Variants in COPS3 observed in about 807,000 individuals in gnomAD.
COPS3 encodes the protein COP9 signalosome subunit 3, also known as COP9 signalosome complex subunit 3.
Under a neutral mutation model 58.2 loss-of-function variants are expected in COPS3, and 10 were observed. That is an observed-to-expected ratio of 0.17 (90% CI 0.11 to 0.29). The LOEUF (loss-of-function observed/expected upper bound fraction) is 0.29. Ranked by LOEUF, COPS3 falls within the 10% of genes least tolerant of loss-of-function variation. The pLI is 1.00. For missense variants in COPS3, 333 were observed against 510.1 expected (o/e 0.65, Z 3.34); for synonymous variants, 187 against 181.7 (o/e 1.03, Z -0.24).
rs538245805 is a variant in COPS3 at position 17,272,844 on chromosome 17, G to A, written c.186-1836C>T. ...TTGAGCCCAGAAGTTCAAGGCTTCA[G>A]TAAGCTACAATTAAGCCATTGCACT... On this transcript the variant is annotated intron_variant, in intron 2 of 11. Transcript: ENST00000268717. Among the ~76,000 whole-genome samples, 21 of 152,252 alleles carry A rather than the reference G, an allele frequency of 1.4e-4. No individual in the cohort carries two copies. In the East Asian group the frequency reaches 3.9e-3, roughly 28 times the overall value.
intron 7 of COPS3, chr17:17,261,728 C>T: frequency 2.1e-6 from 1 of 468,912 alleles, no homozygotes; most frequent in Non-Finnish European, 3.9e-6. Flanking sequence ...GTTATAGGAG[C>T]TTAAACATCT....
intron 9 of COPS3, 94 bp downstream of exon 9, chr17:17,254,765 G>C (rs2047924841): frequency 1.4e-6 from 1 of 724,406 alleles, no homozygotes; most frequent in Non-Finnish European, 2.2e-6. Context: ...AGCCAAGACT[G>C]TGCCACTACA....
intron 9 of COPS3, among the ~76,000 whole-genome samples, chr17:17,249,703 G>C (rs550968250): frequency 6.6e-6 from 1 of 152,270 alleles, no homozygotes; most frequent in South Asian, 2.1e-4. Flanking sequence ...TGTTGGTCAG[G>C]CTGGTCTCCA....
At chr17:17,272,962 T>C (rs1393463669) in intron 2 of COPS3, among the ~76,000 whole-genome samples, 2 of 152,336 alleles carry the variant, frequency 1.3e-5, no homozygotes, top group East Asian at 1.9e-4. Context: ...TTCAAACAAA[T>C]TTAAGCTATT....
intron 1 of COPS3, chr17:17,280,848 T>C (rs1210165925): frequency 8.4e-7 from 1 of 1,186,614 alleles, no homozygotes; most frequent in Admixed American, 3.2e-5. Flanking sequence ...GCCCCCAAAC[T>C]GTCAAGCAAA....
rs534870000 is a variant in COPS3 at position 17,259,143 on chromosome 17, A to G, written c.936+1158T>C. ...CTTTTCCATTGCTGGGTAGCCTAGC[A>G]AAAAAACAGCTACCCTATTCTGGTT... On this transcript the variant is annotated intron_variant, in intron 8 of 11. Coordinates refer to ENST00000268717, the MANE Select transcript of COPS3 (RefSeq NM_003653.4). Among the ~76,000 whole-genome samples, 8 of 152,230 alleles carry G rather than the reference A, an allele frequency of 5.3e-5. No homozygotes were observed. In the East Asian group the frequency reaches 1.5e-3, roughly 29 times the overall value.
intron 7 of COPS3, 32 bp downstream of exon 7, chr17:17,261,934 C>G (rs778402150): frequency 6.5e-7 from 1 of 1,547,404 alleles, no homozygotes; most frequent in Non-Finnish European, 8.8e-7. Flanking sequence ...AACATGCTCA[C>G]GTAAGAAATC....
At chr17:17,278,416 C>T (rs1049587768) in intron 1 of COPS3, among the ~76,000 whole-genome samples, 1 of 152,150 alleles carries the variant, frequency 6.6e-6, no homozygotes, top group Admixed American at 6.5e-5. Context: ...GATAATTTAA[C>T]ACTTTTCAAT....
chr17:17,249,100 G>A (rs2145183057), intron 9 of COPS3, 61 bp from the exon 10 acceptor site: 2 of 865,330 alleles, frequency 2.3e-6, no homozygotes, highest in South Asian at 3.0e-5. Flanking sequence ...TATATGAATA[G>A]TCATCCAGTA....
chr17:17,279,533 G>A (rs1033562426), intron 1 of COPS3, among the ~76,000 whole-genome samples: 13 of 152,156 alleles, frequency 8.5e-5, no homozygotes, highest in African/African-American at 3.1e-4. Context: ...AGGAAAAAGA[G>A]GAAGAATTCT....
In COPS3 at chr17:17,281,192, C is replaced by G. The variant is rs756425851; in HGVS notation, c.-6G>C. 1 of 1,609,432 alleles carries G rather than the reference C, an allele frequency of 6.2e-7. No homozygotes were observed. ...TGCTCCAGGGCAGACGCCATGTTTT[C>G]CCCCGGGCGGCCCGAGCGGCGAAGG... On this transcript the variant is annotated 5_prime_UTR_variant, in exon 1 of 12. Transcript: ENST00000268717.
chr17:17,258,307 A>C (rs1314853875), intron 8 of COPS3, among the ~76,000 whole-genome samples: 2 of 152,060 alleles, frequency 1.3e-5, no homozygotes, highest in Non-Finnish European at 2.9e-5. Flanking sequence ...ATCAAAAAAA[A>C]ATTTTTTTTG....
chr17:17,274,308 T>C (rs923816449), intron 2 of COPS3, among the ~76,000 whole-genome samples: 1 of 152,180 alleles, frequency 6.6e-6, no homozygotes, highest in Admixed American at 6.5e-5. Flanking sequence ...GTTTCTGACA[T>C]GTCTTGATAA....
intron 1 of COPS3, chr17:17,280,537 G>T (rs1418713079): frequency 1.6e-6 from 2 of 1,250,810 alleles, no homozygotes; most frequent in East Asian, 1.3e-4. Flanking sequence ...TCCAGCCTCG[G>T]CTAAAAAAAA....
chr17:17,263,212 C>T (rs1359815649), intron 6 of COPS3, among the ~76,000 whole-genome samples: 1 of 147,668 alleles, frequency 6.8e-6, no homozygotes, highest in African/African-American at 2.5e-5. Context: ...GGTGTGAACC[C>T]GGGAGGCGGA....
intron 9 of COPS3, among the ~76,000 whole-genome samples, chr17:17,249,320 A>T (rs1245614067): frequency 1.3e-5 from 2 of 151,820 alleles, no homozygotes; most frequent in African/African-American, 2.4e-5. Context: ...TAACCATTTT[A>T]TTTATTTATT....
chr17:17,258,678 G>A (rs901765229), intron 8 of COPS3, among the ~76,000 whole-genome samples: 1 of 151,996 alleles, frequency 6.6e-6, no homozygotes, highest in African/African-American at 2.4e-5. Context: ...TGGTTCTGTT[G>A]GCACTTGGGC....
chr17:17,255,396 G>C (rs1480721734), intron 8 of COPS3, among the ~76,000 whole-genome samples: 1 of 150,358 alleles, frequency 6.7e-6, no homozygotes, highest in African/African-American at 2.5e-5. Flanking sequence ...GAGAATCAGA[G>C]AATTGCTTGA....
At chr17:17,268,948 G>T (rs1409280348) in intron 4 of COPS3, among the ~76,000 whole-genome samples, 1 of 151,994 alleles carries the variant, frequency 6.6e-6, no homozygotes, top group African/African-American at 2.4e-5. Flanking sequence ...TTTCAAACAT[G>T]GTTACTTAGT....
Sources: gnomAD v4.1 joint callset for allele counts (sites outside exome capture counted in the v4.1 genomes callset) on GRCh38, gnomAD v4.1.1 for gene constraint, MANE v1.5 for transcripts, NCBI Gene and HGNC (gene_info 2026-07-23, HGNC 2026-07-21) for gene names.